Variants in KHDRBS2 observed in about 807,000 individuals in gnomAD.
The protein encoded by KHDRBS2 is KH RNA binding domain containing, signal transduction associated 2, also known as KH domain-containing, RNA-binding, signal transduction-associated protein 2.
KHDRBS2 carries 26 observed loss-of-function variants against 44.3 expected under a neutral mutation model. The observed-to-expected ratio is 0.59, with a 90% CI of 0.43 to 0.81. KHDRBS2 has a LOEUF of 0.81. Ranked by LOEUF, KHDRBS2 falls within the 40% of genes least tolerant of loss-of-function variation. The pLI, the probability that KHDRBS2 is intolerant of heterozygous loss-of-function variation, is 0.00. For missense variants in KHDRBS2, 476 were observed against 433.1 expected (o/e 1.10, Z -0.88); for synonymous variants, 194 against 151.1 (o/e 1.28, Z -2.08).
chr6:61,916,443 AT>A (rs1264719162), intron 4 of KHDRBS2, among the ~76,000 whole-genome samples: 6 of 151,998 alleles, frequency 3.9e-5, no homozygotes, highest in Non-Finnish European at 8.8e-5. Flanking sequence ...ATATGTCACT[AT>A]TAGAAAAATT....
chr6:61,850,358 C>T (rs942970503), intron 6 of KHDRBS2, among the ~76,000 whole-genome samples: 1 of 151,940 alleles, frequency 6.6e-6, no homozygotes, highest in Non-Finnish European at 1.5e-5. Flanking sequence ...ATTGTAGATG[C>T]CTAGTGCTTG....
intron 2 of KHDRBS2, among the ~76,000 whole-genome samples, chr6:62,073,611 T>C (rs1795733668): frequency 1.3e-5 from 2 of 150,988 alleles, no homozygotes; most frequent in South Asian, 4.2e-4. Flanking sequence ...TTGGTTCTAG[T>C]TTATTTTTTC....
intron 2 of KHDRBS2, among the ~76,000 whole-genome samples, chr6:62,106,911 C>T (rs1803515879): frequency 6.6e-6 from 1 of 151,856 alleles, no homozygotes; most frequent in Non-Finnish European, 1.5e-5. Context: ...GCTAAAAACT[C>T]TCAATAAATT....
chr6:61,823,306 T>C (rs924931988), intron 6 of KHDRBS2, among the ~76,000 whole-genome samples: 1 of 152,204 alleles, frequency 6.6e-6, no homozygotes, highest in African/African-American at 2.4e-5. Flanking sequence ...TGGAACCCTA[T>C]AAAAAGTTGT....
intron 4 of KHDRBS2, among the ~76,000 whole-genome samples, chr6:61,918,604 C>T (rs1374552492): frequency 6.6e-6 from 1 of 151,934 alleles, no homozygotes; most frequent in Non-Finnish European, 1.5e-5. Context: ...CTATCTTGGA[C>T]CTCCAACCTT....
Position 61,873,112 on chromosome 6 carries a change from G to T in KHDRBS2, c.810+21523C>A, listed in dbSNP as rs77697187. On this transcript the variant is annotated intron_variant, in intron 6 of 8. Transcript: ENST00000281156. ...ATTTTTATGACCTTGGAATAGAAAA[G>T]AATTTCTTACATAAGACATAAAAAT... is the stretch of plus-strand genomic sequence containing the variant. Among the ~76,000 whole-genome samples the T allele has an allele frequency of 5.8e-3, 887 of 152,010 alleles. 4 individuals carry two copies. The highest frequency in any genetic ancestry group is 8.5e-3 in the South Asian group (41 of 4,828).
chr6:61,996,730 T>C (rs999542117), intron 3 of KHDRBS2, among the ~76,000 whole-genome samples: 3 of 152,178 alleles, frequency 2.0e-5, no homozygotes, highest in Non-Finnish European at 4.4e-5. Flanking sequence ...TATCTTTTCA[T>C]TGTGATAGCC....
At position 61,786,796 on chromosome 6, in the gene KHDRBS2, G is replaced by A. The variant is rs1783890964; in HGVS notation, c.811-54032C>T. Among the ~76,000 whole-genome samples, 3 of 151,696 alleles carry A rather than the reference G, an allele frequency of 2.0e-5. No individual in the cohort carries two copies. The South Asian group carries it at 6.2e-4, about 31-fold the overall frequency. On this transcript the variant is annotated intron_variant, in intron 6 of 8. Coordinates refer to ENST00000281156, the MANE Select transcript of KHDRBS2 (RefSeq NM_152688.4). ...TGCAGTAGTTTAGATCTTTTTGCTGGTTTTCAATATTGCCCAGCAAATACT... is the reference window on the plus strand; with the variant it reads ...TGCAGTAGTTTAGATCTTTTTGCTGATTTTCAATATTGCCCAGCAAATACT...
intron 1 of KHDRBS2, among the ~76,000 whole-genome samples, chr6:62,223,849 C>G (rs1831309087): frequency 6.6e-6 from 1 of 152,114 alleles, no homozygotes. Flanking sequence ...CAGCCTGGAC[C>G]TTATTGTCCA....
In KHDRBS2 at chr6:62,004,160, G is replaced by A. The variant is rs1225939485; in HGVS notation, c.337-25948C>T. Among the ~76,000 whole-genome samples the A allele has an allele frequency of 2.6e-5, 4 of 152,060 alleles. No homozygotes were observed. The East Asian group carries it at 7.7e-4, about 29-fold the overall frequency. ...GCAAGAAATAATTAAGATTAGAGCA[G>A]AACTGAAGGAAATAGAGACACGAAA... On this transcript the variant is annotated intron_variant, in intron 3 of 8. Transcript: ENST00000281156.
At chr6:62,211,468 A>C (rs2150145230) in intron 1 of KHDRBS2, among the ~76,000 whole-genome samples, 1 of 152,272 alleles carries the variant, frequency 6.6e-6, no homozygotes, top group African/African-American at 2.4e-5. Flanking sequence ...CCTTTACAAA[A>C]ATAAAAGTTA....
chr6:62,102,357 G>A (rs1295993810), intron 2 of KHDRBS2, among the ~76,000 whole-genome samples: 4 of 152,166 alleles, frequency 2.6e-5, no homozygotes, highest in Non-Finnish European at 1.5e-5. Context: ...GGCTGGACCA[G>A]GAGTACTGCA....
At chr6:62,204,240 C>G (rs1412378779) in intron 1 of KHDRBS2, among the ~76,000 whole-genome samples, 1 of 152,144 alleles carries the variant, frequency 6.6e-6, no homozygotes, top group Non-Finnish European at 1.5e-5. Context: ...TGGAAACTTA[C>G]TAAAAGAGGA....
intron 6 of KHDRBS2, among the ~76,000 whole-genome samples, chr6:61,809,560 C>T (rs918719958): frequency 2.6e-5 from 4 of 151,972 alleles, no homozygotes; most frequent in Admixed American, 6.6e-5. Flanking sequence ...GATGTCAAAT[C>T]AATAAAAAAA....
chr6:61,718,578 C>T (rs1379119405), intron 7 of KHDRBS2, among the ~76,000 whole-genome samples: 1 of 152,044 alleles, frequency 6.6e-6, no homozygotes, highest in Non-Finnish European at 1.5e-5. Flanking sequence ...CCTCTGCTTC[C>T]TACTGGGTCC....
At chr6:61,633,918 A>G in the KHDRBS2 span, among the ~76,000 whole-genome samples, 2 of 152,080 alleles carry the variant, frequency 1.3e-5, no homozygotes, top group African/African-American at 4.8e-5. Flanking sequence ...AGTTTTATAA[A>G]GTACCAAAAT....
chr6:61,729,967 A>C lies in KHDRBS2; in HGVS notation c.893+2715T>G, dbSNP rs553709636. Among the ~76,000 whole-genome samples the C allele has an allele frequency of 3.3e-5, 5 of 152,272 alleles. No homozygotes were observed. In the East Asian group the frequency reaches 9.7e-4, roughly 29 times the overall value. ...AATTTTGATAAAATACAATTGATTA[A>C]AAAATAATCTAAAGGCAAGCATTGA... On this transcript the variant is annotated intron_variant, in intron 7 of 8. Transcript: ENST00000281156.
intron 3 of KHDRBS2, among the ~76,000 whole-genome samples, chr6:61,983,239 T>TC (rs1554304684): frequency 0.018 from 1,499 of 82,298 alleles, 9 homozygotes; most frequent in South Asian, 0.042. Context: ...TTTCTTTCTT[T>TC]TTTTTTTTTT....
intron 7 of KHDRBS2, among the ~76,000 whole-genome samples, chr6:61,724,686 A>G (rs1355486760): frequency 1.3e-5 from 2 of 152,160 alleles, no homozygotes; most frequent in Admixed American, 1.3e-4. Context: ...TAGACTTTAA[A>G]CCAACAAAGA....
Sources: gnomAD v4.1 joint callset for allele counts (sites outside exome capture counted in the v4.1 genomes callset) on GRCh38, gnomAD v4.1.1 for gene constraint, MANE v1.5 for transcripts, NCBI Gene and HGNC (gene_info 2026-07-23, HGNC 2026-07-21) for gene names.